The following SCO2 variants were observed in gnomAD, a reference collection of about 807,000 sequenced individuals.
The protein encoded by SCO2 is cytochrome c oxidase assembly factor SCO2.
For synonymous variants in SCO2, 195 were observed against 148.6 expected (o/e 1.31, Z -2.27); for missense variants, 429 against 348.7 (o/e 1.23, Z -1.83).
Position 50,524,423 on chromosome 22 carries a change from T to C in SCO2, c.-12A>G. ...GTCAGCAGCAGCATGGATCTGATGC[T>C]CCTGGAAACAAGCACAGGCGTCAGG... On this transcript the variant is annotated splice_region_variant and 5_prime_UTR_variant, in exon 2 of 2. Coordinates refer to ENST00000395693, the MANE Select transcript of SCO2 (RefSeq NM_005138.3). The C allele has an allele frequency of 1.9e-6, 3 of 1,609,070 alleles. No homozygotes were observed. The highest frequency in any genetic ancestry group is 2.5e-6 in the Non-Finnish European group (3 of 1,179,744).
At position 50,524,168 on chromosome 22, in the gene SCO2, T is replaced by C. The variant is rs765425160; in HGVS notation, c.244A>G (p.Lys82Glu). ...GGAWLALRAE[K>E]ERLQQQKRTE... ...CGCTTTTGCTGCTGCAGCCTCTCCT[T>C]CTCAGCCCTCAGGGCCAGCCAGGCC... Residue 82 changes from lysine to glutamate, a missense_variant, in exon 2 of 2, where the codon AAG becomes GAG. Physicochemically the swap from Lys to Glu is moderately conservative, Grantham distance 56 (BLOSUM62 1). Transcript: ENST00000395693. 104 of 1,610,236 alleles carry C rather than the reference T, an allele frequency of 6.5e-5. 2 individuals are homozygous for C. In the South Asian group the frequency reaches 8.0e-4, roughly 12 times the overall value.
At chr22:50,525,915 G>T (rs770439368), upstream of SCO2, 19 of 1,529,142 alleles carry the variant, frequency 1.2e-5, no homozygotes, top group Non-Finnish European at 1.6e-5. Context: ...GAGCCAGGGG[G>T]TCCCTGCAGA....
upstream of SCO2, chr22:50,526,189 C>G (rs113802488): frequency 6.8e-7 from 1 of 1,478,060 alleles, no homozygotes; most frequent in Non-Finnish European, 8.9e-7. Context: ...GGGGCGGGGC[C>G]TCGGGAAGGG....
Position 50,524,333 on chromosome 22 carries a change from C to T in SCO2, c.79G>A (p.Gly27Arg). Residue 27 changes from glycine (G) to arginine (R), a missense_variant, in exon 2 of 2, where the codon GGA (glycine) becomes AGA (arginine). By Grantham distance (125) the Gly-to-Arg change is moderately radical. Transcript: ENST00000395693. ...LKPRVLPGTLGGQALHLRSWL... is the reference protein window; with the variant it reads ...LKPRVLPGTLRGQALHLRSWL... ...GACCTCAGATGCAGGGCCTGGCCTC[C>T]CAGGGTCCCAGGGAGGACCCGAGGC... 1 of 1,601,724 alleles carries T rather than the reference C, an allele frequency of 6.2e-7. No homozygotes were observed. The highest frequency in any genetic ancestry group is 8.5e-7 in the Non-Finnish European group (1 of 1,179,920).
chr22:50,524,436 C>T lies in SCO2; in HGVS notation c.-13-12G>A, dbSNP rs774723603. On this transcript the variant is annotated splice_polypyrimidine_tract_variant and intron_variant, in intron 1 of 1. Coordinates refer to ENST00000395693, the MANE Select transcript of SCO2 (RefSeq NM_005138.3). Reference sequence around the variant, plus strand: ...TGGATCTGATGCTCCTGGAAACAAGCACAGGCGTCAGGAGCCAGAAGGGAA... The same window carrying T: ...TGGATCTGATGCTCCTGGAAACAAGTACAGGCGTCAGGAGCCAGAAGGGAA... The T allele has an allele frequency of 2.5e-6, 4 of 1,608,926 alleles. No homozygotes were observed. The South Asian group carries it at 3.3e-5, about 13-fold the overall frequency.
At position 50,523,764 on chromosome 22, in the gene SCO2, C is replaced by T. The variant is rs1265254142; in HGVS notation, c.648G>A (p.Glu216=). The change falls in exon 2 of 2, where the codon GAG becomes GAA. Residue 216 remains glutamate (E), a synonymous_variant. Transcript: ENST00000395693. The part of the protein sequence containing the change: ...RVYYNAGPKD[E]DQDYIVDHSI... Reference sequence around the variant, plus strand: ...AGTGGTCCACGATGTAGTCCTGGTCCTCATCCTTGGGGCCTGCATTGTAGT... The same window carrying T: ...AGTGGTCCACGATGTAGTCCTGGTCTTCATCCTTGGGGCCTGCATTGTAGT... 1.2e-6 allele frequency: 2 copies of T among 1,614,064 alleles called. No individual in the cohort carries two copies. The highest frequency in any genetic ancestry group is 1.7e-6 in the Non-Finnish European group (2 of 1,180,034).
At position 50,524,255 on chromosome 22, in the gene SCO2, G is replaced by A. The variant is rs74315510; in HGVS notation, c.157C>T (p.Gln53Ter). The change falls in exon 2 of 2, where the codon CAG (glutamine) becomes TAG (stop). Residue 53 changes from glutamine (Q) to a stop codon, truncating the protein, a stop_gained. Transcript: ENST00000395693. LOFTEE classifies it low-confidence loss of function (END_TRUNC). ...PAETGGQGQP[Q>*]GPGLRTRLLI... ...AGCCGGGTTCGAAGCCCAGGGCCCT[G>A]GGGCTGGCCCTGCCCACCTGTCTCT... 4.0e-5 allele frequency: 65 copies of A among 1,605,268 alleles called. No individual in the cohort carries two copies. The highest frequency in any genetic ancestry group is 1.7e-5 in the Admixed American group (1 of 59,992).
rs1472533538 is a variant in SCO2, at chr22:50,525,590, G to A, written c.-132C>T. 7.6e-6 allele frequency: 7 copies of A among 917,364 alleles called. No homozygotes were observed. Among genetic ancestry groups the A allele is most frequent in the Admixed American group, 6.5e-5 (3 of 46,078 alleles). 56.8% of individuals were successfully genotyped at this position (917,364 alleles called of 1,614,324 possible). ...GGCGCCACACGCTCACAGGCAGGGCGCAGGCGTCCCCGGAGCTGCGCATGC... is the reference window on the plus strand; with the variant it reads ...GGCGCCACACGCTCACAGGCAGGGCACAGGCGTCCCCGGAGCTGCGCATGC... On this transcript the variant is annotated 5_prime_UTR_variant, in exon 1 of 2. Transcript: ENST00000395693.
At chr22:50,525,773 T>C (rs771864603), upstream of SCO2, 4 of 1,610,818 alleles carry the variant, frequency 2.5e-6, no homozygotes, top group Middle Eastern at 1.7e-4. Context: ...AGGAGCTTTA[T>C]TGCTGCGGCG....
Position 50,525,511 on chromosome 22 carries a change from G to A in SCO2, c.-53C>T, listed in dbSNP as rs1345510371. On this transcript the variant is annotated 5_prime_UTR_variant, in exon 1 of 2. Coordinates refer to ENST00000395693, the MANE Select transcript of SCO2 (RefSeq NM_005138.3). Reference sequence around the variant, plus strand: ...GCGCGTCAGTGGACCAAGCACGAGAGGAAGCGCCGACCTCCAGCTCCCTGC... The same window carrying A: ...GCGCGTCAGTGGACCAAGCACGAGAAGAAGCGCCGACCTCCAGCTCCCTGC... 15 of 557,670 alleles carry A rather than the reference G, an allele frequency of 2.7e-5. No homozygotes were observed. Among genetic ancestry groups the A allele is most frequent in the Non-Finnish European group, 3.8e-5 (12 of 319,712 alleles). 34.5% of individuals were successfully genotyped at this position (557,670 alleles called of 1,614,324 possible). A position where few individuals can be genotyped will look rare whatever the true frequency, so the allele number is the denominator to read the frequency against.
upstream of SCO2, chr22:50,526,014 C>T (rs1603441803): frequency 2.0e-6 from 3 of 1,465,946 alleles, no homozygotes; most frequent in Admixed American, 2.4e-5. Context: ...GGCGCAGCCT[C>T]TGACCCACGT....
chr22:50,526,302 C>A, upstream of SCO2: 1 of 1,556,874 alleles, frequency 6.4e-7, no homozygotes, highest in Non-Finnish European at 8.6e-7. Flanking sequence ...CAGCTGCCGG[C>A]GTTCTGCGGG....
rs931250816 is a variant in SCO2 at position 50,525,561 on chromosome 22, A to G, written c.-103T>C. Reference sequence around the variant, plus strand: ...CGCTCTGCCCCGCCGGCTCAGGGAAAGCGGGCGCCACACGCTCACAGGCAG... The same window carrying G: ...CGCTCTGCCCCGCCGGCTCAGGGAAGGCGGGCGCCACACGCTCACAGGCAG... On this transcript the variant is annotated 5_prime_UTR_variant, in exon 1 of 2. Transcript: ENST00000395693. The G allele has an allele frequency of 1.1e-5, 8 of 708,184 alleles. No individual in the cohort carries two copies. The highest frequency in any genetic ancestry group is 1.8e-5 in the Non-Finnish European group (8 of 435,272). 43.9% of individuals were successfully genotyped at this position (708,184 alleles called of 1,614,324 possible). A position where few individuals can be genotyped will look rare whatever the true frequency, so the allele number is the denominator to read the frequency against.
intron 1 of SCO2, chr22:50,524,705 G>A (rs1363043394): frequency 4.7e-6 from 3 of 636,712 alleles, no homozygotes; most frequent in Admixed American, 2.1e-5. Context: ...TCTTGCTGAC[G>A]GAAAGCATTC....
upstream of SCO2, chr22:50,525,729 C>G: frequency 2.5e-6 from 4 of 1,597,738 alleles, no homozygotes; most frequent in Non-Finnish European, 3.4e-6. Context: ...GATCCTTCCG[C>G]TCCCGCCCAA....
rs1382494506 is a variant in SCO2, at chr22:50,524,842, T to TA, written c.-13-419dup. ...ACCGATTCCTCCAACACTTTCCTGT[T>TA]ACCTCCAGCCACTTCAACCAACCGC... On this transcript the variant is annotated intron_variant, in intron 1 of 1. Coordinates refer to ENST00000395693, the MANE Select transcript of SCO2 (RefSeq NM_005138.3). The TA allele has an allele frequency of 8.2e-6, 3 of 367,230 alleles. No individual in the cohort carries two copies. In the Admixed American group the frequency reaches 1.0e-4, roughly 12 times the overall value. 22.7% of individuals were successfully genotyped at this position (367,230 alleles called of 1,614,324 possible).
chr22:50,526,211 G>T (rs763191343), upstream of SCO2: 14 of 1,497,136 alleles, frequency 9.4e-6, no homozygotes, highest in East Asian at 3.2e-4. Context: ...AGGGGATGGC[G>T]GAGGCGGAAG....
intron 1 of SCO2, 64 bp from the exon 2 acceptor site, chr22:50,524,488 C>T (rs1478330729): frequency 3.3e-6 from 5 of 1,492,858 alleles, no homozygotes; most frequent in Non-Finnish European, 3.7e-6. Flanking sequence ...TGGGCTGCCC[C>T]TGCGACTTGA....
In SCO2 at chr22:50,524,130, C is replaced by G. The variant is rs770447916; in HGVS notation, c.282G>C (p.Leu94=). The G allele has an allele frequency of 6.2e-7, 1 of 1,612,512 alleles. No homozygotes were observed. The highest frequency in any genetic ancestry group is 8.5e-7 in the Non-Finnish European group (1 of 1,180,032). ...RLQQQKRTEA[L]RQAAVGQGDF... ...CGCCCTGGCCCACAGCTGCCTGGCG[C>G]AGGGCTTCTGTTCGCTTTTGCTGCT... Residue 94 remains leucine, a synonymous_variant, in exon 2 of 2, where the codon CTG becomes CTC. Coordinates refer to ENST00000395693, the MANE Select transcript of SCO2 (RefSeq NM_005138.3).
Sources: allele counts gnomAD v4.1 joint callset, GRCh38; gene constraint gnomAD v4.1.1; transcripts MANE v1.5; gene names NCBI Gene and HGNC (gene_info 2026-07-23, HGNC 2026-07-21).